Variants in UTRN observed in about 807,000 individuals in gnomAD.
UTRN encodes the protein dystrophin-related protein 1.
A neutral mutation model predicts 463.9 loss-of-function variants in UTRN; 283 were observed. The ratio of observed to expected loss-of-function variants is 0.61; its 90% CI spans 0.55 to 0.67. The LOEUF (loss-of-function observed/expected upper bound fraction) is 0.67. UTRN is among the 30% of genes least tolerant of loss of function. The probability of loss-of-function intolerance (pLI) is 0.00; values close to 1 mark genes in which losing one functional copy is unlikely to be tolerated. For synonymous variants in UTRN, 1,442 were observed against 1,431.5 expected (o/e 1.01, Z -0.17); for missense variants, 3,922 against 4,084.3 (o/e 0.96, Z 1.08).
chr6:144,518,402 T>C (rs543393015), intron 39 of UTRN, among the ~76,000 whole-genome samples: 1 of 152,368 alleles, frequency 6.6e-6, no homozygotes, highest in Non-Finnish European at 1.5e-5. Flanking sequence ...TTTGATGTGC[T>C]GTCACTTCCC....
chr6:144,697,140 G>C lies in UTRN; in HGVS notation c.7653-2947G>C, dbSNP rs80300124. 7.8e-3 allele frequency among the ~76,000 whole-genome samples: 1,192 copies of C among 152,166 alleles called. 16 individuals carry two copies. Among genetic ancestry groups the C allele is most frequent in the African/African-American group, 0.027 (1,118 of 41,540 alleles). On this transcript the variant is annotated intron_variant, in intron 52 of 74. Transcript: ENST00000367545. The stretch of plus-strand genomic sequence containing the variant: ...TAACTTGCGTAAAAGATATTCTGTA[G>C]TAGACATCATCCTAGGTTGATAATA...
chr6:144,543,365 G>A (rs10457763), intron 46 of UTRN, among the ~76,000 whole-genome samples: 10,632 of 152,248 alleles, frequency 0.07, 507 homozygotes, highest in South Asian at 0.11. Flanking sequence ...TTCTCACTTG[G>A]ATGTGGAGAA....
intron 53 of UTRN, among the ~76,000 whole-genome samples, chr6:144,724,375 C>A (rs943501121): frequency 6.6e-6 from 1 of 151,282 alleles, no homozygotes; most frequent in Non-Finnish European, 1.5e-5. Context: ...ACTACAGGCA[C>A]CCGCCACCAC....
chr6:144,430,728 T>C (rs968064627), intron 9 of UTRN, among the ~76,000 whole-genome samples: 13 of 152,198 alleles, frequency 8.5e-5, no homozygotes, highest in African/African-American at 2.9e-4. Flanking sequence ...TCTTGATTTG[T>C]TTTGGCATTC....
chr6:144,468,684 G>GTT (rs1790196760), intron 23 of UTRN, among the ~76,000 whole-genome samples: 1 of 152,080 alleles, frequency 6.6e-6, no homozygotes, highest in Non-Finnish European at 1.5e-5. Context: ...TTAGAAGCTT[G>GTT]TAAGTGCATC....
intron 53 of UTRN, among the ~76,000 whole-genome samples, chr6:144,718,108 G>A (rs1276280716): frequency 6.6e-6 from 1 of 152,152 alleles, no homozygotes; most frequent in Non-Finnish European, 1.5e-5. Flanking sequence ...AGTGAATAGA[G>A]GCTTTGGAAA....
chr6:144,325,324 A>G (rs1406837581), intron 2 of UTRN, among the ~76,000 whole-genome samples: 1 of 152,184 alleles, frequency 6.6e-6, no homozygotes, highest in Non-Finnish European at 1.5e-5. Context: ...TGGGTTAGTT[A>G]TCTTGAGAAT....
intron 58 of UTRN, among the ~76,000 whole-genome samples, chr6:144,759,500 A>G (rs1411557600): frequency 2.6e-5 from 4 of 152,140 alleles, no homozygotes; most frequent in Non-Finnish European, 5.9e-5. Flanking sequence ...CCCCTGAAAG[A>G]TGCTCACATC....
chr6:144,401,516 G>A (rs1180898968), intron 2 of UTRN, among the ~76,000 whole-genome samples: 1 of 152,122 alleles, frequency 6.6e-6, no homozygotes, highest in African/African-American at 2.4e-5. Flanking sequence ...AATAGGGATC[G>A]TTGCTGTCTT....
intron 35 of UTRN, among the ~76,000 whole-genome samples, chr6:144,513,228 C>G (rs570193133): frequency 5.2e-4 from 79 of 152,250 alleles, no homozygotes; most frequent in Admixed American, 1.7e-3. Flanking sequence ...ATATTTTCAT[C>G]ATTTTAAAAA....
At chr6:144,318,018 C>T (rs1238470511) in intron 2 of UTRN, among the ~76,000 whole-genome samples, 1 of 152,002 alleles carries the variant, frequency 6.6e-6, no homozygotes, top group African/African-American at 2.4e-5. Flanking sequence ...GACCTATTAT[C>T]TCTTTTTGAG....
At chr6:144,559,109 ATT>A (rs3061854) in intron 50 of UTRN, among the ~76,000 whole-genome samples, 20,827 of 144,462 alleles carry the variant, frequency 0.14, 1,730 homozygotes, top group Middle Eastern at 0.25. Flanking sequence ...TCTTCTTCTT[ATT>A]TTTTTTTTTT....
chr6:144,852,668 C>T lies in UTRN; in HGVS notation c.*1671C>T, dbSNP rs571778356. ...CTGCTGCAGTCTGCAAAGTCTAGAG[C>T]TTTTATCAGGCCATGTCATACCCAA... On this transcript the variant is annotated 3_prime_UTR_variant, in exon 75 of 75. Transcript: ENST00000367545. The T allele has an allele frequency of 6.5e-6, 1 of 152,704 alleles. No homozygotes were observed. The highest frequency in any genetic ancestry group is 2.1e-4 in the South Asian group (1 of 4,832). The allele number at this position is 152,704 out of a possible 1,614,324, so 9.5% of individuals were successfully genotyped here.
intron 62 of UTRN, 21 bp downstream of exon 62, chr6:144,789,300 A>C (rs767602035): frequency 6.5e-7 from 1 of 1,546,472 alleles, no homozygotes; most frequent in Non-Finnish European, 8.8e-7. Flanking sequence ...CCTTTCTTAT[A>C]CCAACAGTGT....
intron 53 of UTRN, among the ~76,000 whole-genome samples, chr6:144,710,827 C>A (rs1349763018): frequency 6.6e-6 from 1 of 152,148 alleles, no homozygotes; most frequent in Admixed American, 6.5e-5. Flanking sequence ...CCTAGTATAA[C>A]CCAACAGAAC....
At chr6:144,729,728 G>A (rs548983789) in intron 53 of UTRN, among the ~76,000 whole-genome samples, 29 of 152,316 alleles carry the variant, frequency 1.9e-4, no homozygotes, top group African/African-American at 7.0e-4. Flanking sequence ...AAACTATTCT[G>A]AGAATCATAG....
At chr6:144,490,784 T>G in intron 31 of UTRN, 145 bp from the exon 32 acceptor site, 1 of 872,580 alleles carries the variant, frequency 1.1e-6, no homozygotes, top group Non-Finnish European at 1.7e-6. Flanking sequence ...CTGAGATTCA[T>G]TAGGAGTTTT....
At chr6:144,355,403 T>A (rs190726451) in intron 2 of UTRN, among the ~76,000 whole-genome samples, 88 of 152,242 alleles carry the variant, frequency 5.8e-4, no homozygotes, top group Non-Finnish European at 1.1e-3. Context: ...CTCCCTATGC[T>A]TCTCAGGTTG....
At chr6:144,524,413 A>T (rs985824638) in intron 41 of UTRN, among the ~76,000 whole-genome samples, 2 of 151,986 alleles carry the variant, frequency 1.3e-5, no homozygotes, top group African/African-American at 4.8e-5. Flanking sequence ...TTGAGCCCTT[A>T]CTAACATTGA....
Sources: gnomAD v4.1 joint callset for allele counts (sites outside exome capture counted in the v4.1 genomes callset) on GRCh38, gnomAD v4.1.1 for gene constraint, MANE v1.5 for transcripts, NCBI Gene and HGNC (gene_info 2026-07-23, HGNC 2026-07-21) for gene names.